TRA2B: variants seen among roughly 807,000 people sequenced by gnomAD.
TRA2B encodes the protein transformer-2 protein homolog beta.
A neutral mutation model predicts 41.7 loss-of-function variants in TRA2B; 14 were observed. That is an observed-to-expected ratio of 0.34 (90% CI 0.22 to 0.53). TRA2B has a LOEUF of 0.53. TRA2B is among the 20% of genes least tolerant of loss of function. The probability of loss-of-function intolerance (pLI) is 0.95; values close to 1 mark genes in which losing one functional copy is unlikely to be tolerated. For missense variants in TRA2B, 167 were observed against 396.8 expected (o/e 0.42, Z 4.92); for synonymous variants, 130 against 128.8 (o/e 1.01, Z -0.06).
At chr3:185,918,952 C>A (rs1743609982) in intron 7 of TRA2B, among the ~76,000 whole-genome samples, 1 of 152,104 alleles carries the variant, frequency 6.6e-6, no homozygotes, top group Non-Finnish European at 1.5e-5. Flanking sequence ...CCAGCCTAGG[C>A]AACAGAGCAA....
chr3:185,928,570 T>C (rs1482726255), intron 1 of TRA2B: 2 of 152,164 alleles, frequency 1.3e-5, no homozygotes, highest in Admixed American at 6.5e-5. Context: ...GGAGGAAGTC[T>C]CAAAAATGAG....
intron 3 of TRA2B, 48 bp from the exon 4 acceptor site, chr3:185,924,032 C>A (rs1399298645): frequency 6.5e-7 from 1 of 1,544,996 alleles, no homozygotes; most frequent in South Asian, 1.3e-5. Context: ...GTCATAAAAT[C>A]AAAGTTGTTT....
At chr3:185,936,621 C>A (rs932316795) in intron 1 of TRA2B, 1 of 984,648 alleles carries the variant, frequency 1.0e-6, no homozygotes, top group Non-Finnish European at 1.2e-6. Flanking sequence ...CCTGATAAAT[C>A]ATATTCAGAT....
In TRA2B at chr3:185,937,989, C is replaced by T. The variant is rs549331348; in HGVS notation, c.-129G>A. ...CGCCCAGCCGCTCAGAGCCGAAATG[C>T]TCCGCACCGCCTCCGCACGGGCTCT... On this transcript the variant is annotated 5_prime_UTR_variant, in exon 1 of 9. Transcript: ENST00000453386. 1.0e-5 allele frequency: 11 copies of T among 1,067,134 alleles called. No individual in the cohort carries two copies. Among genetic ancestry groups the T allele is most frequent in the Admixed American group, 8.2e-5 (4 of 48,962 alleles). 66.1% of individuals were successfully genotyped at this position (1,067,134 alleles called of 1,614,324 possible).
At chr3:185,932,686 TAA>T (rs1187193910) in intron 1 of TRA2B, among the ~76,000 whole-genome samples, 1 of 152,140 alleles carries the variant, frequency 6.6e-6, no homozygotes, top group African/African-American at 2.4e-5. Flanking sequence ...CTCAAATAAT[TAA>T]AAAGATTGAA....
chr3:185,935,359 A>T, intron 1 of TRA2B: 2 of 985,460 alleles, frequency 2.0e-6, no homozygotes, highest in Non-Finnish European at 2.4e-6. Context: ...GGAAAAAATA[A>T]ATCCCACAGA....
At chr3:185,936,038 G>T in intron 1 of TRA2B, 1 of 985,302 alleles carries the variant, frequency 1.0e-6, no homozygotes, top group Non-Finnish European at 1.2e-6. Context: ...TCTCAAACTG[G>T]AACCTAGTTT....
rs1468803450 is a variant in TRA2B, at chr3:185,917,818, AG to A, written c.857-94del. The A allele has an allele frequency of 5.8e-6, 8 of 1,389,490 alleles. No individual in the cohort carries two copies. The African/African-American group carries it at 1.1e-4, about 20-fold the overall frequency. 86.1% of individuals were successfully genotyped at this position (1,389,490 alleles called of 1,614,324 possible). ...AGAATTTCAGAATATTCTGCCATTA[AG>A]AAATTCCTATGTGCCAGAACCCCAC... On this transcript the variant is annotated intron_variant, in intron 8 of 8. Coordinates refer to ENST00000453386, the MANE Select transcript of TRA2B (RefSeq NM_004593.3).
In TRA2B at chr3:185,917,500, T is replaced by C. The variant is rs1743544244; in HGVS notation, c.*215A>G. ...GTAAAAAAATACATGCAAAACATAC[T>C]TTTCTGAAAACACTTAACTTGGAAC... On this transcript the variant is annotated 3_prime_UTR_variant, in exon 9 of 9. Coordinates refer to ENST00000453386, the MANE Select transcript of TRA2B (RefSeq NM_004593.3). The C allele has an allele frequency of 2.0e-6, 1 of 495,408 alleles. No individual in the cohort carries two copies. The highest frequency in any genetic ancestry group is 4.1e-5 in the South Asian group (1 of 24,396). 30.7% of individuals were successfully genotyped at this position (495,408 alleles called of 1,614,324 possible). A position where few individuals can be genotyped will look rare whatever the true frequency, so the allele number is the denominator to read the frequency against.
chr3:185,918,470 C>G lies in TRA2B; in HGVS notation c.783-32G>C, dbSNP rs1176385693. On this transcript the variant is annotated intron_variant, in intron 7 of 8. Transcript: ENST00000453386. ...ACAAATGTCAAGATTGTCTAAGTCT[C>G]AATAGATCACAATTAGACCAAACAT... 6 of 1,444,866 alleles carry G rather than the reference C, an allele frequency of 4.2e-6. No individual in the cohort carries two copies. The South Asian group carries it at 5.8e-5, about 14-fold the overall frequency. The allele number at this position is 1,444,866 out of a possible 1,614,324, so 89.5% of individuals were successfully genotyped here. A position where few individuals can be genotyped will look rare whatever the true frequency, so the allele number is the denominator to read the frequency against.
intron 1 of TRA2B, among the ~76,000 whole-genome samples, chr3:185,937,594 G>A (rs1359954213): frequency 6.6e-6 from 1 of 152,204 alleles, no homozygotes; most frequent in South Asian, 2.1e-4. Flanking sequence ...CGGCCGTCTC[G>A]GGCAGAAGCC....
chr3:185,921,027 G>A (rs1743713767), intron 6 of TRA2B, 77 bp downstream of exon 6: 1 of 1,273,656 alleles, frequency 7.9e-7, no homozygotes, highest in African/African-American at 1.5e-5. Flanking sequence ...TTTTAACAAA[G>A]GCTAAAACTT....
Position 185,915,825 on chromosome 3 carries a change from G to C in TRA2B, c.*1890C>G, listed in dbSNP as rs1452550634. ...TCGCAAGCCATCAGTTAACTGATGG[G>C]GAGAGGTTTGGTTGGGGAGAAAATG... On this transcript the variant is annotated 3_prime_UTR_variant, in exon 9 of 9. Coordinates refer to ENST00000453386, the MANE Select transcript of TRA2B (RefSeq NM_004593.3). 6.6e-6 allele frequency: 1 copy of C among 152,104 alleles called. No individual in the cohort carries two copies. Among genetic ancestry groups the C allele is most frequent in the Non-Finnish European group, 1.5e-5 (1 of 68,022 alleles). The allele number at this position is 152,104 out of a possible 1,614,324, so 9.4% of individuals were successfully genotyped here.
chr3:185,934,362 TC>T, intron 1 of TRA2B: 1 of 985,382 alleles, frequency 1.0e-6, no homozygotes, highest in Non-Finnish European at 1.2e-6. Flanking sequence ...GTAAGGCAAA[TC>T]CCATTAACAC....
chr3:185,926,509 T>G, intron 2 of TRA2B, 92 bp downstream of exon 2: 2 of 1,517,830 alleles, frequency 1.3e-6, no homozygotes, highest in Non-Finnish European at 9.0e-7. Flanking sequence ...GGCCAACAAA[T>G]AATCTAACCC....
intron 1 of TRA2B, among the ~76,000 whole-genome samples, chr3:185,931,270 C>G (rs941525316): frequency 2.0e-5 from 3 of 152,196 alleles, no homozygotes; most frequent in Non-Finnish European, 4.4e-5. Context: ...AGTTCCAACC[C>G]TGGAGGTATT....
chr3:185,937,986 ATGCTCCGCACCGCCT>A lies in TRA2B; in HGVS notation c.-141_-127del. On this transcript the variant is annotated 5_prime_UTR_variant, in exon 1 of 9. Transcript: ENST00000453386. ...GGTCGCCCAGCCGCTCAGAGCCGAA[ATGCTCCGCACCGCCT>A]CCGCACGGGCTCTAACTCTACCGGA... The A allele has an allele frequency of 8.7e-7, 1 of 1,143,204 alleles. No homozygotes were observed. Among genetic ancestry groups the A allele is most frequent in the Non-Finnish European group, 1.3e-6 (1 of 787,024 alleles). The allele number at this position is 1,143,204 out of a possible 1,614,324, so 70.8% of individuals were successfully genotyped here.
At chr3:185,924,604 G>A (rs1299690545) in intron 3 of TRA2B, 4 of 152,610 alleles carry the variant, frequency 2.6e-5, no homozygotes, top group African/African-American at 9.7e-5. Flanking sequence ...TGAAGCTCAG[G>A]AGTTTTGAGA....
At chr3:185,936,688 T>TA (rs35873254) in intron 1 of TRA2B, 398 of 973,130 alleles carry the variant, frequency 4.1e-4, no homozygotes, top group South Asian at 1.0e-3. Context: ...TTTTTTTTTT[T>TA]AAAAAAGCAC....
Sources: allele counts gnomAD v4.1 joint callset (sites outside exome capture counted in the v4.1 genomes callset), GRCh38; gene constraint gnomAD v4.1.1; transcripts MANE v1.5; gene names NCBI Gene and HGNC (gene_info 2026-07-23, HGNC 2026-07-21).